The following MYO5B variants were observed in gnomAD, a reference collection of about 807,000 sequenced individuals.
MYO5B encodes the protein myosin VB.
A neutral mutation model predicts 229.3 loss-of-function variants in MYO5B; 143 were observed. The ratio of observed to expected loss-of-function variants is 0.62; its 90% confidence interval spans 0.54 to 0.72. The LOEUF (loss-of-function observed/expected upper bound fraction) is 0.72. MYO5B is among the 30% of genes least tolerant of loss of function. The probability of loss-of-function intolerance (pLI) is 0.00; values close to 1 mark genes in which losing one functional copy is unlikely to be tolerated. For synonymous variants in MYO5B, 918 were observed against 885.2 expected (o/e 1.04, Z -0.66); for missense variants, 2,321 against 2,331.0 (o/e 1.00, Z 0.09).
intron 3 of MYO5B, among the ~76,000 whole-genome samples, chr18:50,038,454 A>G (rs963172152): frequency 3.3e-5 from 5 of 152,244 alleles, no homozygotes; most frequent in Non-Finnish European, 5.9e-5. Context: ...ACCAAAATAT[A>G]AGGCCCAGAA....
At chr18:50,020,838 G>A (rs2026266032) in intron 4 of MYO5B, among the ~76,000 whole-genome samples, 2 of 152,210 alleles carry the variant, frequency 1.3e-5, no homozygotes, top group African/African-American at 4.8e-5. Flanking sequence ...GCTAGGCCAG[G>A]GAGATGGATG....
At chr18:50,050,150 T>A (rs987342341) in intron 2 of MYO5B, among the ~76,000 whole-genome samples, 3 of 152,118 alleles carry the variant, frequency 2.0e-5, no homozygotes, top group African/African-American at 7.2e-5. Flanking sequence ...AAATAAAAAA[T>A]TATTAGGAGA....
At chr18:50,187,880 G>C (rs574828516) in intron 1 of MYO5B, among the ~76,000 whole-genome samples, 8 of 152,246 alleles carry the variant, frequency 5.3e-5, no homozygotes, top group South Asian at 2.1e-4. Flanking sequence ...GTCACTAGAG[G>C]GGGGCAGGGA....
chr18:50,011,745 T>A (rs1318110305), intron 4 of MYO5B, among the ~76,000 whole-genome samples: 1 of 151,992 alleles, frequency 6.6e-6, no homozygotes, highest in Non-Finnish European at 1.5e-5. Context: ...GAACTGGTCT[T>A]CCCATGATAA....
chr18:49,892,109 CA>C (rs2024722211), intron 22 of MYO5B, among the ~76,000 whole-genome samples: 1 of 152,204 alleles, frequency 6.6e-6, no homozygotes, highest in South Asian at 2.1e-4. Flanking sequence ...TTTCACCAAA[CA>C]GAGCAGCCAT....
At chr18:50,104,615 T>C (rs905818127) in intron 1 of MYO5B, among the ~76,000 whole-genome samples, 1 of 152,172 alleles carries the variant, frequency 6.6e-6, no homozygotes, top group African/African-American at 2.4e-5. Flanking sequence ...TTCCCACAAC[T>C]ATGTAACCAG....
chr18:49,918,051 C>T (rs1205409939), intron 17 of MYO5B, among the ~76,000 whole-genome samples: 1 of 152,214 alleles, frequency 6.6e-6, no homozygotes, highest in African/African-American at 2.4e-5. Context: ...TAATGAGCTC[C>T]TCAGGCTCAA....
chr18:50,134,239 TA>T, intron 1 of MYO5B, among the ~76,000 whole-genome samples: 1 of 151,946 alleles, frequency 6.6e-6, no homozygotes, highest in Middle Eastern at 3.4e-3. Flanking sequence ...TAAAAACAAG[TA>T]AAAATAGTGA....
intron 22 of MYO5B, among the ~76,000 whole-genome samples, chr18:49,888,722 C>T (rs1465791375): frequency 6.6e-6 from 1 of 152,204 alleles, no homozygotes; most frequent in East Asian, 1.9e-4. Context: ...CCAGCCTCTT[C>T]CCGCCCTCCA....
intron 22 of MYO5B, among the ~76,000 whole-genome samples, chr18:49,883,910 T>C (rs965921448): frequency 5.3e-5 from 8 of 152,126 alleles, no homozygotes; most frequent in African/African-American, 1.9e-4. Context: ...GATATCTACA[T>C]GGAAAAAAAT....
intron 4 of MYO5B, among the ~76,000 whole-genome samples, 171 bp from the exon 5 acceptor site, chr18:50,001,582 A>T (rs2026047884): frequency 6.6e-6 from 1 of 152,190 alleles, no homozygotes; most frequent in South Asian, 2.1e-4. Flanking sequence ...ACCTGCAAAC[A>T]TCCTGAAAGC....
In MYO5B at chr18:50,018,290, A is replaced by ACTTT. The variant is rs371555823; in HGVS notation, c.456-16880_456-16879insAAAG. Among the ~76,000 whole-genome samples the ACTTT allele has an allele frequency of 2.9e-3, 424 of 146,710 alleles. 4 individuals carry two copies. Among genetic ancestry groups the ACTTT allele is most frequent in the Admixed American group, 6.7e-3 (99 of 14,828 alleles). On this transcript the variant is annotated intron_variant, in intron 4 of 39. Transcript: ENST00000285039. ...CTTTTGCTTGCTCATACATATACCC[A>ACTTT]TTTTTTTTTTTGCTTGATGATACAG...
intron 22 of MYO5B, among the ~76,000 whole-genome samples, chr18:49,886,132 G>A (rs2024639601): frequency 6.6e-6 from 1 of 152,084 alleles, no homozygotes; most frequent in African/African-American, 2.4e-5. Context: ...TATAGACGGG[G>A]TTTTGCCATG....
At chr18:49,843,218 G>C in intron 34 of MYO5B, 23 bp downstream of exon 34, 2 of 1,613,032 alleles carry the variant, frequency 1.2e-6, no homozygotes, top group South Asian at 2.2e-5. Context: ...CACAAACCAT[G>C]ACCTTCTGCA....
intron 2 of MYO5B, among the ~76,000 whole-genome samples, chr18:50,045,851 A>G (rs1455292373): frequency 6.6e-6 from 1 of 152,232 alleles, no homozygotes; most frequent in East Asian, 1.9e-4. Context: ...CTGTGGGCCT[A>G]TGATCCTATA....
Position 49,880,381 on chromosome 18 carries a change from G to C in MYO5B, c.3120C>G (p.Cys1040Trp). ...EKEQLNNQIL[C>W]QSKDEFAQNS... ...TGCTTTGGTACTTACCTTTAGACTG[G>C]CACAGGATTTGGTTGTTGAGCTGTT... is the stretch of plus-strand genomic sequence containing the variant. Residue 1040 changes from cysteine (C) to tryptophan (W), a missense_variant, in exon 23 of 40, where the codon TGC (cysteine) becomes TGG (tryptophan). Transcript: ENST00000285039. 2 of 1,613,772 alleles carry C rather than the reference G, an allele frequency of 1.2e-6. No homozygotes were observed. The highest frequency in any genetic ancestry group is 1.7e-6 in the Non-Finnish European group (2 of 1,179,694).
At chr18:49,895,580 C>T (rs1211667769) in intron 21 of MYO5B, among the ~76,000 whole-genome samples, 6 of 152,192 alleles carry the variant, frequency 3.9e-5, no homozygotes, top group Non-Finnish European at 1.5e-5. Flanking sequence ...AGCCCTCCTG[C>T]CTGTGGACTT....
chr18:49,996,108 C>T (rs1214769589), intron 5 of MYO5B, among the ~76,000 whole-genome samples: 1 of 152,122 alleles, frequency 6.6e-6, no homozygotes, highest in African/African-American at 2.4e-5. Context: ...GACCTTTTAC[C>T]ATATCTGAGA....
intron 1 of MYO5B, among the ~76,000 whole-genome samples, chr18:50,175,547 T>G (rs1170931507): frequency 2.0e-5 from 3 of 152,358 alleles, no homozygotes; most frequent in African/African-American, 7.2e-5. Context: ...AGGTTTATTT[T>G]TATGGGTAAG....
Sources: allele counts gnomAD v4.1 joint callset (sites outside exome capture counted in the v4.1 genomes callset), GRCh38; gene constraint gnomAD v4.1.1; transcripts MANE v1.5; gene names NCBI Gene and HGNC (gene_info 2026-07-23, HGNC 2026-07-21).